The following CMSS1 variants were observed in gnomAD, a reference collection of about 807,000 sequenced individuals.
The protein encoded by CMSS1 is protein CMSS1.
A neutral mutation model predicts 43.5 loss-of-function variants in CMSS1; 33 were observed. The observed-to-expected ratio is 0.76, with a 90% CI of 0.57 to 1.01. The LOEUF (loss-of-function observed/expected upper bound fraction) is 1.01, where lower values mean the gene tolerates loss of function less well. Ranked by LOEUF, CMSS1 falls within the 50% of genes least tolerant of loss-of-function variation. The pLI is 0.00. For missense variants in CMSS1, 313 were observed against 326.4 expected, an observed-to-expected ratio of 0.96 and a Z score of 0.32; for synonymous variants, 115 against 117.2, an observed-to-expected ratio of 0.98 and a Z score of 0.12.
In CMSS1 at chr3:100,038,254, C is replaced by A. The variant is rs143940529; in HGVS notation, c.65-108719C>A. 5.3e-3 allele frequency among the ~76,000 whole-genome samples: 812 copies of A among 152,214 alleles called. 4 individuals carry two copies. Among genetic ancestry groups the A allele is most frequent in the Non-Finnish European group, 8.6e-3 (583 of 68,026 alleles). On this transcript the variant is annotated intron_variant, in intron 1 of 9. Transcript: ENST00000421999. ...TACAGGCGTGAGCCACCACGCCCGGCCTCTCTTTTCTTCTCATTAAAATAT... is the reference window on the plus strand; with the variant it reads ...TACAGGCGTGAGCCACCACGCCCGGACTCTCTTTTCTTCTCATTAAAATAT...
At chr3:100,017,183 C>T (rs1710369591) in intron 1 of CMSS1, among the ~76,000 whole-genome samples, 1 of 152,168 alleles carries the variant, frequency 6.6e-6, no homozygotes, top group Non-Finnish European at 1.5e-5. Context: ...AAGTATATGT[C>T]TGTATCTGAT....
At chr3:99,891,463 G>A (rs1009307590) in intron 1 of CMSS1, among the ~76,000 whole-genome samples, 4 of 152,148 alleles carry the variant, frequency 2.6e-5, no homozygotes, top group African/African-American at 9.6e-5. Flanking sequence ...CTTTTATTCA[G>A]TCTTTGGCCT....
At chr3:100,102,638 G>A (rs1010897875) in intron 1 of CMSS1, among the ~76,000 whole-genome samples, 2 of 152,086 alleles carry the variant, frequency 1.3e-5, no homozygotes, top group African/African-American at 4.8e-5. Flanking sequence ...ACAATGCCAA[G>A]CTGCATTCTG....
intron 1 of CMSS1, among the ~76,000 whole-genome samples, chr3:99,910,054 G>A (rs1345895610): frequency 8.2e-6 from 1 of 121,330 alleles, no homozygotes; most frequent in Non-Finnish European, 1.9e-5. Flanking sequence ...TCAGTGTGGG[G>A]TCAGCTCACC....
intron 1 of CMSS1, among the ~76,000 whole-genome samples, chr3:100,037,850 A>G (rs1346245913): frequency 6.6e-6 from 1 of 151,716 alleles, no homozygotes; most frequent in Non-Finnish European, 1.5e-5. Context: ...CTAAAGCTCT[A>G]CTAATTTCTT....
At chr3:99,909,821 G>A (rs1706735788) in intron 1 of CMSS1, among the ~76,000 whole-genome samples, 1 of 152,132 alleles carries the variant, frequency 6.6e-6, no homozygotes, top group South Asian at 2.1e-4. Context: ...ATTGAATTCT[G>A]AAATTGCATG....
intron 1 of CMSS1, among the ~76,000 whole-genome samples, chr3:99,981,246 A>G (rs1043359554): frequency 1.3e-5 from 2 of 152,158 alleles, no homozygotes; most frequent in African/African-American, 4.8e-5. Context: ...CACTACCCCA[A>G]TGCTAAACTT....
intron 1 of CMSS1, among the ~76,000 whole-genome samples, chr3:99,822,471 C>G (rs933733995): frequency 2.0e-5 from 3 of 152,158 alleles, no homozygotes; most frequent in Admixed American, 2.0e-4. Context: ...TGGCTCACGC[C>G]TGTAGTCCCT....
At chr3:99,820,187 C>A (rs1253563087) in intron 1 of CMSS1, among the ~76,000 whole-genome samples, 1 of 151,862 alleles carries the variant, frequency 6.6e-6, no homozygotes, top group East Asian at 1.9e-4. Context: ...TCCTTCTAGC[C>A]ATAAGACTAA....
intron 1 of CMSS1, among the ~76,000 whole-genome samples, chr3:100,122,545 C>G (rs1440593966): frequency 6.6e-6 from 1 of 152,234 alleles, no homozygotes; most frequent in Admixed American, 6.5e-5. Flanking sequence ...GCTATTCATT[C>G]TTAGTGTTCT....
intron 1 of CMSS1, among the ~76,000 whole-genome samples, chr3:99,932,213 C>G (rs568269698): frequency 4.6e-5 from 7 of 152,216 alleles, no homozygotes; most frequent in Non-Finnish European, 8.8e-5. Context: ...ACCACGTAAT[C>G]TTGAATTTGG....
At chr3:100,124,518 A>G (rs887719540) in intron 1 of CMSS1, among the ~76,000 whole-genome samples, 1 of 152,204 alleles carries the variant, frequency 6.6e-6, no homozygotes, top group African/African-American at 2.4e-5. Flanking sequence ...CCCCCAGGTC[A>G]CAGCTGGTGA....
chr3:99,876,025 T>C (rs1187049677), intron 1 of CMSS1: 3 of 984,422 alleles, frequency 3.0e-6, no homozygotes, highest in Non-Finnish European at 3.6e-6. Flanking sequence ...CCTGGCTGTC[T>C]GACAGCAGTG....
At chr3:99,892,111 T>G (rs994094269) in intron 1 of CMSS1, among the ~76,000 whole-genome samples, 2 of 152,186 alleles carry the variant, frequency 1.3e-5, no homozygotes, top group Non-Finnish European at 2.9e-5. Context: ...CTGTGAGAAA[T>G]AGAATATCAC....
intron 1 of CMSS1, among the ~76,000 whole-genome samples, chr3:99,947,733 A>C (rs1426646019): frequency 6.6e-6 from 1 of 152,266 alleles, no homozygotes; most frequent in Non-Finnish European, 1.5e-5. Context: ...ACTTTTAATA[A>C]GGTAAAAAGA....
At chr3:100,071,090 CTTTTTTTTTTT>C (rs61563009) in intron 1 of CMSS1, among the ~76,000 whole-genome samples, 7 of 70,588 alleles carry the variant, frequency 9.9e-5, no homozygotes, top group Admixed American at 4.6e-4. Context: ...GCTACTCTCT[CTTTTTTTTTTT>C]TTTTTTTTTT....
Position 100,153,482 on chromosome 3 carries a change from G to A in CMSS1, c.153+6421G>A, listed in dbSNP as rs554852978. Among the ~76,000 whole-genome samples, 4 of 152,304 alleles carry A rather than the reference G, an allele frequency of 2.6e-5. No individual in the cohort carries two copies. The South Asian group carries it at 6.2e-4, about 24-fold the overall frequency. Reference sequence around the variant, plus strand: ...ACAGTTCTAAAAGCTAGAAGTCTGCGATCAAGATGTCTACAGGTGTGGTTT... The same window carrying A: ...ACAGTTCTAAAAGCTAGAAGTCTGCAATCAAGATGTCTACAGGTGTGGTTT... On this transcript the variant is annotated intron_variant, in intron 2 of 9. Transcript: ENST00000421999.
intron 1 of CMSS1, among the ~76,000 whole-genome samples, chr3:99,976,557 A>G (rs1708977705): frequency 6.6e-6 from 1 of 152,164 alleles, no homozygotes; most frequent in African/African-American, 2.4e-5. Flanking sequence ...CATTGAAGAT[A>G]CCACTTTATT....
chr3:99,932,823 C>A (rs1269156789), intron 1 of CMSS1, among the ~76,000 whole-genome samples: 2 of 152,070 alleles, frequency 1.3e-5, no homozygotes, highest in African/African-American at 4.8e-5. Context: ...CACAGGAGGC[C>A]GAGGTTGCAT....
Sources: gnomAD v4.1 joint callset for allele counts (sites outside exome capture counted in the v4.1 genomes callset) on GRCh38, gnomAD v4.1.1 for gene constraint, MANE v1.5 for transcripts, NCBI Gene and HGNC (gene_info 2026-07-23, HGNC 2026-07-21) for gene names.